Variants in CFAP418 observed in about 807,000 individuals in gnomAD.
CFAP418 encodes the protein cilia- and flagella-associated protein 418.
A neutral mutation model predicts 24.7 loss-of-function variants in CFAP418; 27 were observed. That is an observed-to-expected ratio of 1.09 (90% confidence interval 0.81 to 1.51). CFAP418 has a LOEUF of 1.51. CFAP418 is among the 40% of genes most tolerant of loss of function. CFAP418 has a pLI of 0.00. For synonymous variants in CFAP418, 74 were observed against 87.3 expected (o/e 0.85, Z 0.85); for missense variants, 257 against 255.2 (o/e 1.01, Z -0.05).
At chr8:95,264,364 T>C (rs995735912) in intron 1 of CFAP418, among the ~76,000 whole-genome samples, 33 of 152,218 alleles carry the variant, frequency 2.2e-4, no homozygotes, top group African/African-American at 7.2e-4. Context: ...TTCTATTTAA[T>C]AGCTGATGCT....
At chr8:95,255,571 G>A (rs934247886) in intron 4 of CFAP418, among the ~76,000 whole-genome samples, 1 of 152,104 alleles carries the variant, frequency 6.6e-6, no homozygotes, top group Non-Finnish European at 1.5e-5. Context: ...ACTTATTTGT[G>A]GAATAATCTA....
Position 95,247,642 on chromosome 8 carries a change from A to G in CFAP418, c.599T>C (p.Leu200Pro), listed in dbSNP as rs758458599. ...EVTDLQTDHQ[L>P]RWVCGKH ...TTAATGTTTACCACAAACCCAGCGAAGCTGATGATCTGTCTGAAGGTCAGT... is the reference window on the plus strand; with the variant it reads ...TTAATGTTTACCACAAACCCAGCGAGGCTGATGATCTGTCTGAAGGTCAGT... Residue 200 changes from leucine to proline, a missense_variant, in exon 6 of 6, where the codon CTT (leucine) becomes CCT (proline). Physicochemically the swap from Leu to Pro is moderately conservative, Grantham distance 98 (BLOSUM62 -3). Transcript: ENST00000286688. 6.2e-7 allele frequency: 1 copy of G among 1,614,218 alleles called. No individual in the cohort carries two copies. Among genetic ancestry groups the G allele is most frequent in the South Asian group, 1.1e-5 (1 of 91,088 alleles).
At chr8:95,250,509 A>G (rs1811689832) in intron 5 of CFAP418, among the ~76,000 whole-genome samples, 1 of 152,128 alleles carries the variant, frequency 6.6e-6, no homozygotes. Context: ...CATGCATTTT[A>G]TTATCCTATG....
intron 5 of CFAP418, 115 bp downstream of exon 5, chr8:95,252,073 A>G (rs1001514151): frequency 1.4e-6 from 1 of 715,122 alleles, no homozygotes; most frequent in African/African-American, 1.8e-5. Context: ...ACATGACTAT[A>G]CTGAAGAGGT....
At chr8:95,256,664 T>C (rs1257219565) in intron 4 of CFAP418, among the ~76,000 whole-genome samples, 6 of 152,230 alleles carry the variant, frequency 3.9e-5, no homozygotes, top group Admixed American at 3.3e-4. Flanking sequence ...TTGCCTTTTA[T>C]TGATAAGCTA....
intron 1 of CFAP418, among the ~76,000 whole-genome samples, chr8:95,266,294 T>G (rs922231177): frequency 6.6e-6 from 1 of 152,214 alleles, no homozygotes; most frequent in Non-Finnish European, 1.5e-5. Flanking sequence ...TGAACCACTT[T>G]ATTCCTATTG....
At chr8:95,261,677 G>A (rs954598112) in intron 2 of CFAP418, among the ~76,000 whole-genome samples, 1 of 151,894 alleles carries the variant, frequency 6.6e-6, no homozygotes, top group Admixed American at 6.6e-5. Context: ...TTGGAAAACT[G>A]GACATAATAC....
chr8:95,264,385 T>A (rs1811941278), intron 1 of CFAP418, among the ~76,000 whole-genome samples: 1 of 152,196 alleles, frequency 6.6e-6, no homozygotes, highest in South Asian at 2.1e-4. Flanking sequence ...AAATAGCTAA[T>A]AACTAAATAG....
rs1811868135 is a variant in CFAP418 at position 95,260,464 on chromosome 8, T to C, written c.308+4A>G. 1 of 1,581,898 alleles carries C rather than the reference T, an allele frequency of 6.3e-7. No homozygotes were observed. Among genetic ancestry groups the C allele is most frequent in the Non-Finnish European group, 8.6e-7 (1 of 1,166,110 alleles). ...TATAATTCACCAAAGCAATCTCAAC[T>C]TACCTTTTACCAAGGCCTTCAATGG... is the stretch of plus-strand genomic sequence containing the variant. On this transcript the variant is annotated splice_donor_region_variant and intron_variant, in intron 3 of 5. Transcript: ENST00000286688.
At chr8:95,265,297 C>T (rs1379978164) in intron 1 of CFAP418, among the ~76,000 whole-genome samples, 1 of 152,048 alleles carries the variant, frequency 6.6e-6, no homozygotes, top group Non-Finnish European at 1.5e-5. Flanking sequence ...CTAGAGATAC[C>T]GACTTAGTTT....
At chr8:95,250,075 T>C (rs556220723) in intron 5 of CFAP418, among the ~76,000 whole-genome samples, 3 of 152,310 alleles carry the variant, frequency 2.0e-5, no homozygotes, top group South Asian at 4.1e-4. Context: ...GTTCCTCTCA[T>C]CTTATGAGCC....
chr8:95,264,871 T>C (rs1000919676), intron 1 of CFAP418, among the ~76,000 whole-genome samples: 2 of 152,206 alleles, frequency 1.3e-5, no homozygotes, highest in African/African-American at 4.8e-5. Context: ...TTACCCTTAA[T>C]GTCTTTCACT....
At chr8:95,260,788 T>C (rs981111777) in intron 2 of CFAP418, among the ~76,000 whole-genome samples, 3 of 152,202 alleles carry the variant, frequency 2.0e-5, no homozygotes, top group African/African-American at 7.2e-5. Context: ...ATTATTAGCA[T>C]GCTAAGATTT....
intron 5 of CFAP418, among the ~76,000 whole-genome samples, chr8:95,248,110 G>A (rs1354243609): frequency 6.6e-6 from 1 of 152,084 alleles, no homozygotes. Context: ...CCAAAGTGCT[G>A]AGATTGCAGG....
chr8:95,261,617 T>A (rs1011284690), intron 2 of CFAP418, among the ~76,000 whole-genome samples: 2 of 152,114 alleles, frequency 1.3e-5, no homozygotes, highest in African/African-American at 4.8e-5. Flanking sequence ...TAATACATGT[T>A]TTTTTTTCCC....
At chr8:95,262,388 G>A (rs1451648790) in intron 2 of CFAP418, among the ~76,000 whole-genome samples, 1 of 152,166 alleles carries the variant, frequency 6.6e-6, no homozygotes, top group Non-Finnish European at 1.5e-5. Context: ...AAAAATGTAA[G>A]TGGTCCCTAT....
intron 5 of CFAP418, among the ~76,000 whole-genome samples, chr8:95,248,014 T>G (rs186054571): frequency 2.3e-4 from 35 of 151,550 alleles, no homozygotes; most frequent in Non-Finnish European, 4.4e-4. Context: ...GCTTAAAAAA[T>G]TTTTTTTTGT....
intron 2 of CFAP418, among the ~76,000 whole-genome samples, chr8:95,262,028 A>C (rs1235155261): frequency 6.6e-6 from 1 of 152,250 alleles, no homozygotes; most frequent in African/African-American, 2.4e-5. Flanking sequence ...ACCCTTGAAC[A>C]ACATGCGTTT....
intron 2 of CFAP418, among the ~76,000 whole-genome samples, chr8:95,261,780 A>C (rs1811896188): frequency 6.6e-6 from 1 of 152,222 alleles, no homozygotes; most frequent in Non-Finnish European, 1.5e-5. Flanking sequence ...CTTAAAGCCA[A>C]ACCAGAGAAG....
Sources: gnomAD v4.1 joint callset for allele counts (sites outside exome capture counted in the v4.1 genomes callset) on GRCh38, gnomAD v4.1.1 for gene constraint, MANE v1.5 for transcripts, NCBI Gene and HGNC (gene_info 2026-07-23, HGNC 2026-07-21) for gene names.